Variants in CTAG2 observed in about 807,000 individuals in gnomAD.
CTAG2 encodes the protein cancer/testis antigen 2, also known as CTL-recognized antigen on melanoma.
CTAG2 carries 5 observed loss-of-function variants against 5.7 expected under a neutral mutation model. The ratio of observed to expected loss-of-function variants is 0.88; its 90% CI spans 0.46 to 1.85. The LOEUF (loss-of-function observed/expected upper bound fraction) is 1.85, where lower values mean the gene tolerates loss of function less well. CTAG2 is among the 40% of genes most tolerant of loss of function. The probability of loss-of-function intolerance (pLI) is 0.01; values close to 1 mark genes in which losing one functional copy is unlikely to be tolerated. For synonymous variants in CTAG2, 63 were observed against 80.9 expected, an observed-to-expected ratio of 0.78 and a Z score of 1.19; for missense variants, 151 against 169.9, an observed-to-expected ratio of 0.89 and a Z score of 0.62.
chrX:154,652,252 T>G lies in CTAG2; in HGVS notation c.420A>C (p.Ala140=), dbSNP rs782019457. Residue 140 remains alanine (A), a synonymous_variant, in exon 3 of 3, where the codon GCA becomes GCC. Coordinates refer to ENST00000369585, the MANE Select transcript of CTAG2 (RefSeq NM_172377.5). ...GNLLFIRLTA[A]DHRQLQLSIS... is the part of the protein sequence containing the mutation. Reference sequence around the variant, plus strand: ...TGGAGAGCTGCAGTTGGCGGTGGTCTGCAGCAGTCAGTCGGCTAAATGTGA... The same window carrying G: ...TGGAGAGCTGCAGTTGGCGGTGGTCGGCAGCAGTCAGTCGGCTAAATGTGA... 2 of 1,210,526 alleles carry G rather than the reference T, an allele frequency of 1.7e-6. No homozygotes were observed. Among genetic ancestry groups the G allele is most frequent in the South Asian group, 3.5e-5 (2 of 56,930 alleles).
In CTAG2 at chrX:154,653,266, C is replaced by G. The variant is rs782735777; in HGVS notation, c.250G>C (p.Asp84His). The change falls in exon 1 of 3, where the codon GAC becomes CAC. Residue 84 changes from aspartate to histidine, a missense_variant. Around this residue, in one of 2 missense-constraint regions of CTAG2, gnomAD observed 147 missense variants for 151.0 expected, o/e 0.97. Coordinates refer to ENST00000369585, the MANE Select transcript of CTAG2 (RefSeq NM_172377.5). ...GGATACAACTCAAGCAGGCGGCTGT[C>G]CGGCCTCCTGGCCCCGCAGGGGCAC... ...GRCPCGARRP[D>H]SRLLELHITM... is the part of the protein sequence containing the mutation. 1.9e-5 allele frequency: 23 copies of G among 1,206,270 alleles called. No homozygotes were observed. The highest frequency in any genetic ancestry group is 2.6e-5 in the Non-Finnish European group (23 of 893,720).
At position 154,652,578 on chromosome X, in the gene CTAG2, A is replaced by C. The variant is rs2070162354; in HGVS notation, c.323T>G (p.Ile108Ser). The change falls in exon 2 of 3, where the codon ATC (isoleucine) becomes AGC (serine). Residue 108 changes from isoleucine (I) to serine (S), a missense_variant. By Grantham distance (142) the Ile-to-Ser change is moderately radical (BLOSUM62 -2). Transcript: ENST00000369585. ...SPMEAELVRR[I>S]LSRDAAPLPR... ...GAGCGGTGCGGCATCCCGGGACAGGATCCTGCGGACCAGCTCCGCTTCCAT... is the reference window on the plus strand; with the variant it reads ...GAGCGGTGCGGCATCCCGGGACAGGCTCCTGCGGACCAGCTCCGCTTCCAT... 4.1e-6 allele frequency: 5 copies of C among 1,209,444 alleles called. No homozygotes were observed. Among genetic ancestry groups the C allele is most frequent in the East Asian group, 5.9e-5 (2 of 33,794 alleles).
Position 154,652,150 on chromosome X carries a change from A to T in CTAG2, c.522T>A (p.Ala174=), listed in dbSNP as rs1443229651. ...QCFLPVFLAQ[A]PSGQRR is the part of the protein sequence containing the mutation. ...GGGCTTAGCGCCTCTGCCCTGAGGG[A>T]GCCTGAGCCAAAAACACGGGCAGAA... Residue 174 remains alanine (A), a synonymous_variant, in exon 3 of 3, where the codon GCT becomes GCA. Transcript: ENST00000369585. 52 of 1,206,773 alleles carry T rather than the reference A, an allele frequency of 4.3e-5. No individual in the cohort carries two copies. The highest frequency in any genetic ancestry group is 5.5e-5 in the Non-Finnish European group (49 of 894,192).
chrX:154,652,584 C>G lies in CTAG2; in HGVS notation c.317G>C (p.Arg106Pro). ...TGCGGCATCCCGGGACAGGATCCTGCGGACCAGCTCCGCTTCCATGGGCGA... is the reference window on the plus strand; with the variant it reads ...TGCGGCATCCCGGGACAGGATCCTGGGGACCAGCTCCGCTTCCATGGGCGA... The part of the protein sequence containing the change: ...FSSPMEAELV[R>P]RILSRDAAPL... Residue 106 changes from arginine (R) to proline (P), a missense_variant, in exon 2 of 3, where the codon CGC (arginine) becomes CCC (proline). Arg to Pro is a moderately radical substitution (Grantham distance 103). This residue lies in a region of CTAG2 where 147 missense variants were observed against 151.0 expected (regional missense o/e 0.97). Transcript: ENST00000369585. The G allele has an allele frequency of 1.7e-6, 2 of 1,206,884 alleles. No homozygotes were observed. Among genetic ancestry groups the G allele is most frequent in the Non-Finnish European group, 2.2e-6 (2 of 892,564 alleles).
chrX:154,652,170 G>A lies in CTAG2; in HGVS notation c.502C>T (p.Pro168Ser). The A allele has an allele frequency of 8.3e-7, 1 of 1,209,353 alleles. No homozygotes were observed. The change falls in exon 3 of 3, where the codon CCC becomes TCC. Residue 168 changes from proline to serine, a missense_variant. Pro to Ser is a moderately conservative substitution (Grantham distance 74). Transcript: ENST00000369585. ...GAGGGAGCCTGAGCCAAAAACACGG[G>A]CAGAAAGCACTGCGTGATCCACATC... ...LLMWITQCFLPVFLAQAPSGQ... is the reference protein window; with the variant it reads ...LLMWITQCFLSVFLAQAPSGQ...
In CTAG2 at chrX:154,652,123, C is replaced by A. The variant is rs370153454; in HGVS notation, c.*6G>T. On this transcript the variant is annotated 3_prime_UTR_variant, in exon 3 of 3. Coordinates refer to ENST00000369585, the MANE Select transcript of CTAG2 (RefSeq NM_172377.5). ...GCATGACCTAGGAAGGGGCGCCAGGCTGGGCTTAGCGCCTCTGCCCTGAGG... is the reference window on the plus strand; with the variant it reads ...GCATGACCTAGGAAGGGGCGCCAGGATGGGCTTAGCGCCTCTGCCCTGAGG... 11 of 1,206,796 alleles carry A rather than the reference C, an allele frequency of 9.1e-6. No individual in the cohort carries two copies. In the African/African-American group the frequency reaches 1.6e-4, roughly 17 times the overall value.
chrX:154,652,767 C>G, intron 1 of CTAG2, 136 bp from the exon 2 acceptor site: 1 of 741,343 alleles, frequency 1.3e-6, no homozygotes, highest in Admixed American at 3.8e-5. Context: ...CCACTTTCCT[C>G]TGTTGCACCT....
rs1378470819 is a variant in CTAG2, at chrX:154,652,191, A to G, written c.481T>C (p.Trp161Arg). Reference sequence around the variant, plus strand: ...ACGGGCAGAAAGCACTGCGTGATCCACATCAACAGGGAAAGCTGCTGGAGA... The same window carrying G: ...ACGGGCAGAAAGCACTGCGTGATCCGCATCAACAGGGAAAGCTGCTGGAGA... ...SCLQQLSLLM[W>R]ITQCFLPVFL... is the part of the protein sequence containing the mutation. The change falls in exon 3 of 3, where the codon TGG becomes CGG. Residue 161 changes from tryptophan (W) to arginine (R), a missense_variant. By Grantham distance (101) the Trp-to-Arg change is moderately radical. Coordinates refer to ENST00000369585, the MANE Select transcript of CTAG2 (RefSeq NM_172377.5). 1.7e-6 allele frequency: 2 copies of G among 1,209,689 alleles called. No individual in the cohort carries two copies. The highest frequency in any genetic ancestry group is 1.8e-5 in the South Asian group (1 of 56,862).
chrX:154,652,265 C>T lies in CTAG2; in HGVS notation c.407G>A (p.Arg136Gln). 1.7e-6 allele frequency: 2 copies of T among 1,210,657 alleles called. No homozygotes were observed. Among genetic ancestry groups the T allele is most frequent in the Non-Finnish European group, 2.2e-6 (2 of 895,071 alleles). Reference protein sequence around the residue: ...FTVSGNLLFIRLTAADHRQLQ... With the variant: ...FTVSGNLLFIQLTAADHRQLQ... Reference sequence around the variant, plus strand: ...TTGGCGGTGGTCTGCAGCAGTCAGTCGGCTAAATGTGAGGGGCAGAGAACA... The same window carrying T: ...TTGGCGGTGGTCTGCAGCAGTCAGTTGGCTAAATGTGAGGGGCAGAGAACA... Residue 136 changes from arginine (R) to glutamine (Q), a missense_variant and splice_region_variant, in exon 3 of 3, where the codon CGA (arginine) becomes CAA (glutamine). By Grantham distance (43) the Arg-to-Gln change is conservative (BLOSUM62 1). Coordinates refer to ENST00000369585, the MANE Select transcript of CTAG2 (RefSeq NM_172377.5).
Position 154,652,240 on chromosome X carries a change from T to C in CTAG2, c.432A>G (p.Gln144=). ...GACAGGAGCTGATGGAGAGCTGCAG[T>C]TGGCGGTGGTCTGCAGCAGTCAGTC... ...FIRLTAADHR[Q]LQLSISSCLQ... is the part of the protein sequence containing the mutation. Residue 144 remains glutamine (Q), a synonymous_variant, in exon 3 of 3, where the codon CAA becomes CAG. Coordinates refer to ENST00000369585, the MANE Select transcript of CTAG2 (RefSeq NM_172377.5). The C allele has an allele frequency of 8.3e-7, 1 of 1,210,322 alleles. No individual in the cohort carries two copies. Among genetic ancestry groups the C allele is most frequent in the Non-Finnish European group, 1.1e-6 (1 of 895,079 alleles).
Position 154,652,637 on chromosome X carries a change from G to T in CTAG2, c.270-6C>A. 1 of 1,187,628 alleles carries T rather than the reference G, an allele frequency of 8.4e-7. No homozygotes were observed. The highest frequency in any genetic ancestry group is 1.1e-6 in the Non-Finnish European group (1 of 882,043). Reference sequence around the variant, plus strand: ...AGAAAGGCATCGTGATGTGCCTGGTGGGGACCCAGTTAAGGTGCCATCTCC... The same window carrying T: ...AGAAAGGCATCGTGATGTGCCTGGTTGGGACCCAGTTAAGGTGCCATCTCC... On this transcript the variant is annotated splice_polypyrimidine_tract_variant and splice_region_variant and intron_variant, in intron 1 of 2. Transcript: ENST00000369585.
At chrX:154,652,716 GC>G in intron 1 of CTAG2, 85 bp from the exon 2 acceptor site, 1 of 1,045,780 alleles carries the variant, frequency 9.6e-7, no homozygotes, top group Non-Finnish European at 1.3e-6. Flanking sequence ...CCACGCACTG[GC>G]CCAGGTCCTG....
chrX:154,652,359 C>A (rs2070158025), intron 2 of CTAG2, 92 bp from the exon 3 acceptor site: 1 of 1,209,526 alleles, frequency 8.3e-7, no homozygotes, highest in Non-Finnish European at 1.1e-6. Context: ...GCCTGGTGTA[C>A]CAGGTCTCTG....
chrX:154,652,433 T>A (rs782424285), intron 2 of CTAG2, 64 bp downstream of exon 2: 2 of 1,210,963 alleles, frequency 1.7e-6, no homozygotes, highest in South Asian at 3.5e-5. Context: ...GGGAGGCGGA[T>A]CCCAGCCCCC....
intron 1 of CTAG2, 48 bp from the exon 2 acceptor site, chrX:154,652,679 C>G: frequency 8.7e-7 from 1 of 1,153,476 alleles, no homozygotes; most frequent in Non-Finnish European, 1.2e-6. Context: ...TTGGCCGGTG[C>G]CCATCTCATC....
Position 154,652,019 on chromosome X carries a change from C to G in CTAG2, c.*110G>C. ...TTTCTACAGAAACAAACATGTAAGCCGTCCTCCTCCAGCGACAAACAATCA... is the reference window on the plus strand; with the variant it reads ...TTTCTACAGAAACAAACATGTAAGCGGTCCTCCTCCAGCGACAAACAATCA... On this transcript the variant is annotated 3_prime_UTR_variant, in exon 3 of 3. Transcript: ENST00000369585. The G allele has an allele frequency of 9.3e-7, 1 of 1,076,723 alleles. No individual in the cohort carries two copies. Among genetic ancestry groups the G allele is most frequent in the Admixed American group, 3.1e-5 (1 of 32,598 alleles). 88.7% of individuals were successfully genotyped at this position (1,076,723 alleles called of 1,213,427 possible).
intron 1 of CTAG2, 87 bp downstream of exon 1, chrX:154,653,160 T>A (rs1302130297): frequency 7.5e-6 from 7 of 933,075 alleles, no homozygotes; most frequent in Middle Eastern, 3.2e-4. Flanking sequence ...CTCCTGGCCC[T>A]GCCCCCCACC....
intron 1 of CTAG2, 80 bp downstream of exon 1, chrX:154,653,167 C>G (rs2070169325): frequency 8.8e-7 from 1 of 1,139,393 alleles, no homozygotes; most frequent in East Asian, 3.1e-5. Context: ...CCCTGCCCCC[C>G]ACCTCTTGAC....
chrX:154,653,138 G>C, intron 1 of CTAG2, 109 bp downstream of exon 1: 1 of 768,365 alleles, frequency 1.3e-6, no homozygotes, highest in South Asian at 3.2e-5. Flanking sequence ...ACCTGGCCCT[G>C]CCCTCACCCA....
Sources: allele counts gnomAD v4.1 joint callset, GRCh38; gene constraint gnomAD v4.1.1; regional missense constraint gnomAD v4.1.1; transcripts MANE v1.5; gene names NCBI Gene and HGNC (gene_info 2026-07-23, HGNC 2026-07-21).